Variants in EPHA6 observed in about 807,000 individuals in gnomAD.
EPHA6 encodes the protein ephrin type-A receptor 6.
A neutral mutation model predicts 112.0 loss-of-function variants in EPHA6; 50 were observed. The ratio of observed to expected loss-of-function variants is 0.45; its 90% confidence interval spans 0.36 to 0.56. The LOEUF (loss-of-function observed/expected upper bound fraction) is 0.56, where lower values mean the gene tolerates loss of function less well. Among genes scored for constraint, EPHA6 ranks in the 20% least tolerant of loss-of-function variants. The pLI, the probability that EPHA6 is intolerant of heterozygous loss-of-function variation, is 0.00. For synonymous variants in EPHA6, 529 were observed against 490.7 expected, an observed-to-expected ratio of 1.08 and a Z score of -1.03; for missense variants, 1,280 against 1,417.4, an observed-to-expected ratio of 0.90 and a Z score of 1.56.
chr3:97,603,730 TA>T (rs1254856905), intron 12 of EPHA6, among the ~76,000 whole-genome samples: 1 of 151,938 alleles, frequency 6.6e-6, no homozygotes, highest in African/African-American at 2.4e-5. Context: ...AATTATATGT[TA>T]TAGTATGTTA....
At chr3:97,016,365 A>G (rs1387505425) in intron 3 of EPHA6, among the ~76,000 whole-genome samples, 1 of 152,162 alleles carries the variant, frequency 6.6e-6, no homozygotes, top group South Asian at 2.1e-4. Flanking sequence ...CAGAATCTCC[A>G]CTTTAAATTC....
intron 2 of EPHA6, among the ~76,000 whole-genome samples, chr3:96,915,923 A>G (rs1314828031): frequency 6.6e-6 from 1 of 152,122 alleles, no homozygotes; most frequent in Non-Finnish European, 1.5e-5. Context: ...AATGTGTCGT[A>G]TAGGTTTGTG....
intron 7 of EPHA6, among the ~76,000 whole-genome samples, chr3:97,452,261 C>G (rs1035180246): frequency 1.3e-5 from 2 of 151,768 alleles, no homozygotes; most frequent in Non-Finnish European, 3.0e-5. Flanking sequence ...TCACTGTTAG[C>G]ATCATAAAAT....
chr3:97,560,243 A>G (rs9878433), intron 11 of EPHA6, among the ~76,000 whole-genome samples: 40,050 of 151,786 alleles, frequency 0.26, 7,912 homozygotes, highest in African/African-American at 0.54. Flanking sequence ...ATTCCAGGAG[A>G]ATAATCATGC....
chr3:97,226,451 T>C (rs752894799), intron 4 of EPHA6, 32 bp downstream of exon 4: 1 of 1,574,186 alleles, frequency 6.4e-7, no homozygotes, highest in Non-Finnish European at 8.6e-7. Flanking sequence ...TTGGAAATTC[T>C]GTTTCCAACC....
intron 5 of EPHA6, among the ~76,000 whole-genome samples, chr3:97,315,566 G>A (rs745767437): frequency 2.6e-5 from 4 of 151,534 alleles, no homozygotes; most frequent in Non-Finnish European, 4.4e-5. Flanking sequence ...AATATAGGAG[G>A]CATGTTATTT....
intron 14 of EPHA6, among the ~76,000 whole-genome samples, chr3:97,689,667 G>A (rs992663811): frequency 3.3e-5 from 5 of 152,132 alleles, no homozygotes; most frequent in Admixed American, 6.6e-5. Flanking sequence ...CAGAAATGTC[G>A]ATCATTTAAA....
chr3:97,664,886 A>C (rs1404845951), intron 14 of EPHA6, among the ~76,000 whole-genome samples: 1 of 152,228 alleles, frequency 6.6e-6, no homozygotes, highest in South Asian at 2.1e-4. Context: ...GAACATGGCC[A>C]TACTGCCCAA....
intron 2 of EPHA6, among the ~76,000 whole-genome samples, chr3:96,884,575 T>A (rs2037513004): frequency 6.6e-6 from 1 of 152,216 alleles, no homozygotes. Flanking sequence ...ATTAATCTTG[T>A]ATCCAGGAAC....
chr3:97,044,153 T>C (rs2045422826), intron 3 of EPHA6, among the ~76,000 whole-genome samples: 1 of 152,222 alleles, frequency 6.6e-6, no homozygotes, highest in African/African-American at 2.4e-5. Context: ...AAAGTCCTTT[T>C]TATGTTTTAG....
chr3:96,883,242 A>C (rs973528271), intron 2 of EPHA6, among the ~76,000 whole-genome samples: 2 of 152,056 alleles, frequency 1.3e-5, no homozygotes, highest in African/African-American at 4.8e-5. Context: ...AGAATTGTCT[A>C]TTCATGTCCT....
At position 97,196,663 on chromosome 3, in the gene EPHA6, T is replaced by G. The variant is rs550909583; in HGVS notation, c.1115-29601T>G. Among the ~76,000 whole-genome samples, 21 of 152,092 alleles carry G rather than the reference T, an allele frequency of 1.4e-4. No homozygotes were observed. In the South Asian group the frequency reaches 4.4e-3, roughly 32 times the overall value. The stretch of plus-strand genomic sequence containing the variant: ...AACGGGAATTGAGTATTGTGATCTG[T>G]CTTTGGTACTGCAGCCATATCTACA... On this transcript the variant is annotated intron_variant, in intron 3 of 17. Coordinates refer to ENST00000389672, the MANE Select transcript of EPHA6 (RefSeq NM_001080448.3).
At chr3:97,235,255 A>G (rs1317996739) in intron 4 of EPHA6, among the ~76,000 whole-genome samples, 1 of 152,114 alleles carries the variant, frequency 6.6e-6, no homozygotes, top group Non-Finnish European at 1.5e-5. Context: ...GGTACCTGGC[A>G]TATAGTAGAC....
chr3:97,744,846 A>G (rs1364744400), intron 16 of EPHA6, among the ~76,000 whole-genome samples: 1 of 151,960 alleles, frequency 6.6e-6, no homozygotes, highest in Non-Finnish European at 1.5e-5. Context: ...ATGGCATAGG[A>G]GTATGAAGGG....
At chr3:97,646,566 T>C (rs909200686) in intron 14 of EPHA6, among the ~76,000 whole-genome samples, 2 of 152,148 alleles carry the variant, frequency 1.3e-5, no homozygotes, top group African/African-American at 4.8e-5. Flanking sequence ...GGAGGGCCAA[T>C]TGTGAAACAG....
At chr3:97,014,184 T>A (rs146602469) in intron 3 of EPHA6, among the ~76,000 whole-genome samples, 3 of 152,232 alleles carry the variant, frequency 2.0e-5, no homozygotes, top group African/African-American at 7.2e-5. Flanking sequence ...AAAAGAGCGA[T>A]AGATAGGTCA....
In EPHA6 at chr3:97,716,052, C is replaced by T. The variant is rs138900936; in HGVS notation, c.2785-4209C>T. On this transcript the variant is annotated intron_variant, in intron 14 of 17. Coordinates refer to ENST00000389672, the MANE Select transcript of EPHA6 (RefSeq NM_001080448.3). ...TGGTAATTTTTTTCTCTCTCATAAA[C>T]ATATGGTAAAGCAACATGTAATGTT... is the stretch of plus-strand genomic sequence containing the variant. 6.3e-3 allele frequency among the ~76,000 whole-genome samples: 960 copies of T among 152,278 alleles called. 10 individuals carry two copies. The highest frequency in any genetic ancestry group is 0.021 in the African/African-American group (893 of 41,548).
chr3:97,442,329 A>G (rs2090163320), intron 6 of EPHA6, among the ~76,000 whole-genome samples: 1 of 152,190 alleles, frequency 6.6e-6, no homozygotes, highest in Non-Finnish European at 1.5e-5. Flanking sequence ...TCACAGCTGT[A>G]ATCACAGCAC....
chr3:97,553,041 C>T (rs534576744), intron 11 of EPHA6, among the ~76,000 whole-genome samples: 14 of 152,112 alleles, frequency 9.2e-5, no homozygotes, highest in Non-Finnish European at 1.6e-4. Flanking sequence ...AATTGCTCAT[C>T]CTGCCTTCAG....
Sources: allele counts gnomAD v4.1 joint callset (sites outside exome capture counted in the v4.1 genomes callset), GRCh38; gene constraint gnomAD v4.1.1; transcripts MANE v1.5; gene names NCBI Gene and HGNC (gene_info 2026-07-23, HGNC 2026-07-21).